Variants in NRXN1 observed in about 807,000 individuals in gnomAD.
The protein encoded by NRXN1 is neurexin-1.
NRXN1 carries 39 observed loss-of-function variants against 150.9 expected under a neutral mutation model. The ratio of observed to expected loss-of-function variants is 0.26; its 90% CI spans 0.20 to 0.34. The LOEUF (loss-of-function observed/expected upper bound fraction) is 0.34. Among genes scored for constraint, NRXN1 ranks in the 10% least tolerant of loss-of-function variants. The pLI is 1.00. For synonymous variants in NRXN1, 924 were observed against 757.0 expected, an observed-to-expected ratio of 1.22 and a Z score of -3.62; for missense variants, 1,815 against 1,949.9, an observed-to-expected ratio of 0.93 and a Z score of 1.30.
At chr2:50,952,934 G>A (rs985177665) in intron 2 of NRXN1, among the ~76,000 whole-genome samples, 2 of 152,194 alleles carry the variant, frequency 1.3e-5, no homozygotes, top group Admixed American at 1.3e-4. Flanking sequence ...CGTTTCTTAT[G>A]CTTCTTTGTG....
intron 2 of NRXN1, among the ~76,000 whole-genome samples, chr2:51,014,351 G>T (rs1668342804): frequency 6.6e-6 from 1 of 152,034 alleles, no homozygotes; most frequent in Admixed American, 6.6e-5. Flanking sequence ...TTTCTCTTAG[G>T]CAGATAAAGA....
chr2:50,154,760 G>A (rs74707533), intron 18 of NRXN1, among the ~76,000 whole-genome samples: 1 of 151,576 alleles, frequency 6.6e-6, no homozygotes, highest in Non-Finnish European at 1.5e-5. Flanking sequence ...AAACTTTTAT[G>A]AAGAATTTTT....
intron 17 of NRXN1, among the ~76,000 whole-genome samples, chr2:50,252,019 C>T (rs901175756): frequency 2.0e-5 from 3 of 151,930 alleles, no homozygotes; most frequent in African/African-American, 7.2e-5. Flanking sequence ...TTTTGCTGTG[C>T]AGAAGCTCTT....
At chr2:50,739,282 GTATTAA>G in intron 5 of NRXN1, 1 of 496,512 alleles carries the variant, frequency 2.0e-6, no homozygotes, top group Admixed American at 2.0e-5. Context: ...TAAAAAGTAT[GTATTAA>G]TATTGATTTC....
At position 50,680,580 on chromosome 2, in the gene NRXN1, C is replaced by T. The variant is rs146211257; in HGVS notation, c.833-56965G>A. On this transcript the variant is annotated intron_variant, in intron 5 of 22. Transcript: ENST00000401669. ...ATCCTTTCAAATATCTCCCCAAACA[C>T]CTGGAAGATGACAAATTTTTTAGAT... Among the ~76,000 whole-genome samples the T allele has an allele frequency of 6.1e-3, 932 of 151,994 alleles. 9 individuals carry two copies. Among genetic ancestry groups the T allele is most frequent in the African/African-American group, 0.021 (861 of 41,476 alleles).
At chr2:50,320,633 G>A (rs76199927) in intron 17 of NRXN1, among the ~76,000 whole-genome samples, 5,375 of 151,802 alleles carry the variant, frequency 0.035, 319 homozygotes, top group African/African-American at 0.12. Flanking sequence ...ATTGATGAAT[G>A]GACAGGAGCT....
At chr2:50,854,291 G>A (rs377275772) in intron 5 of NRXN1, among the ~76,000 whole-genome samples, 7 of 152,106 alleles carry the variant, frequency 4.6e-5, no homozygotes, top group South Asian at 2.1e-4. Flanking sequence ...CTAAAAATAC[G>A]GAATGTAACA....
chr2:50,068,771 T>A (rs1340008052), intron 19 of NRXN1, among the ~76,000 whole-genome samples: 1 of 151,984 alleles, frequency 6.6e-6, no homozygotes, highest in African/African-American at 2.4e-5. Flanking sequence ...ACAAAAAATA[T>A]TTTTTTTACC....
intron 18 of NRXN1, among the ~76,000 whole-genome samples, chr2:50,134,660 C>A (rs763379037): frequency 5.3e-5 from 8 of 152,154 alleles, no homozygotes; most frequent in Non-Finnish European, 1.2e-4. Flanking sequence ...AAGAAATCAT[C>A]GCTTTTTCTC....
intron 18 of NRXN1, among the ~76,000 whole-genome samples, chr2:50,200,251 A>G (rs1031079678): frequency 6.6e-6 from 1 of 152,168 alleles, no homozygotes. Flanking sequence ...TTTCTTGAGA[A>G]TCTAGATGAA....
intron 19 of NRXN1, among the ~76,000 whole-genome samples, chr2:50,083,934 C>T (rs1460138243): frequency 6.6e-6 from 1 of 152,090 alleles, no homozygotes; most frequent in Admixed American, 6.5e-5. Flanking sequence ...AGACACAGAG[C>T]GCAGATTGGT....
intron 5 of NRXN1, among the ~76,000 whole-genome samples, chr2:50,762,664 C>G (rs189258095): frequency 1.3e-5 from 2 of 151,890 alleles, no homozygotes; most frequent in African/African-American, 4.8e-5. Context: ...CTGCAAAAAA[C>G]ATGATTTCAT....
At chr2:50,327,905 T>C (rs898066987) in intron 17 of NRXN1, among the ~76,000 whole-genome samples, 6 of 152,172 alleles carry the variant, frequency 3.9e-5, no homozygotes, top group African/African-American at 1.4e-4. Flanking sequence ...CGCCTTGGCC[T>C]CCCAAAATGC....
intron 15 of NRXN1, among the ~76,000 whole-genome samples, chr2:50,481,586 T>C (rs2090459095): frequency 6.6e-6 from 1 of 152,126 alleles, no homozygotes; most frequent in Non-Finnish European, 1.5e-5. Context: ...TATGTATCCA[T>C]GGCCCAATCT....
chr2:49,983,199 A>G (rs1167947495), intron 21 of NRXN1, among the ~76,000 whole-genome samples: 4 of 152,112 alleles, frequency 2.6e-5, no homozygotes, highest in Non-Finnish European at 4.4e-5. Flanking sequence ...TATAGTTTGT[A>G]TATTTCTTTT....
intron 21 of NRXN1, among the ~76,000 whole-genome samples, chr2:50,046,030 A>G (rs915725448): frequency 6.6e-6 from 1 of 152,190 alleles, no homozygotes; most frequent in African/African-American, 2.4e-5. Context: ...CAGAAATCAT[A>G]TTTGCAAGAT....
intron 2 of NRXN1, among the ~76,000 whole-genome samples, chr2:51,005,267 A>T (rs1423596533): frequency 6.6e-6 from 1 of 151,360 alleles, no homozygotes; most frequent in Non-Finnish European, 1.5e-5. Context: ...CCAAGAAAAA[A>T]ATCTACACAT....
In NRXN1 at chr2:50,241,645, T is replaced by C. The variant is rs568708522; in HGVS notation, c.3365-4675A>G. 7.9e-5 allele frequency among the ~76,000 whole-genome samples: 12 copies of C among 151,978 alleles called. No individual in the cohort carries two copies. In the South Asian group the frequency reaches 1.4e-3, roughly 18 times the overall value. On this transcript the variant is annotated intron_variant, in intron 17 of 22. Transcript: ENST00000401669. ...AGACACAAATTTAGCAATGTCAACA[T>C]ACTTTACACTCCAATAAATGTTTGT...
At chr2:50,800,843 C>A (rs572415517) in intron 5 of NRXN1, among the ~76,000 whole-genome samples, 1 of 152,256 alleles carries the variant, frequency 6.6e-6, no homozygotes, top group South Asian at 2.1e-4. Context: ...AGCCAGCATG[C>A]CTGGCCAATA....
Sources: allele counts gnomAD v4.1 joint callset (sites outside exome capture counted in the v4.1 genomes callset), GRCh38; gene constraint gnomAD v4.1.1; transcripts MANE v1.5; gene names NCBI Gene and HGNC (gene_info 2026-07-23, HGNC 2026-07-21).